Variants in ADARB2 observed in about 807,000 individuals in gnomAD.
The protein encoded by ADARB2 is adenosine deaminase RNA specific B2 (inactive).
ADARB2 carries 25 observed loss-of-function variants against 62.2 expected under a neutral mutation model. The observed-to-expected ratio is 0.40, with a 90% CI of 0.29 to 0.56. ADARB2 has a LOEUF of 0.56. Among genes scored for constraint, ADARB2 ranks in the 20% least tolerant of loss-of-function variants. ADARB2 has a pLI of 0.43. For missense variants in ADARB2, 1,071 were observed against 1,077.4 expected (o/e 0.99, Z 0.08); for synonymous variants, 572 against 500.8 (o/e 1.14, Z -1.90).
intron 1 of ADARB2, among the ~76,000 whole-genome samples, chr10:1,553,190 A>G (rs1832653130): frequency 6.6e-6 from 1 of 152,258 alleles, no homozygotes. Context: ...TAATTACCAA[A>G]AAAATGTCAC....
At chr10:1,288,385 G>A (rs1401535753) in intron 3 of ADARB2, among the ~76,000 whole-genome samples, 1 of 152,228 alleles carries the variant, frequency 6.6e-6, no homozygotes, top group African/African-American at 2.4e-5. Flanking sequence ...TGCATAGCAG[G>A]TGCTCTTCCA....
At position 1,598,841 on chromosome 10, in the gene ADARB2, G is replaced by C. The variant is rs146674841; in HGVS notation, c.100+138210C>G. ...CAGAAGCGAAGGGATCTCCCAGGCAGGGATCTCACAGCCTGCGGCACCCAG... is the reference window on the plus strand; with the variant it reads ...CAGAAGCGAAGGGATCTCCCAGGCACGGATCTCACAGCCTGCGGCACCCAG... On this transcript the variant is annotated intron_variant, in intron 1 of 9. Transcript: ENST00000381312. Among the ~76,000 whole-genome samples the C allele has an allele frequency of 4.7e-4, 71 of 152,354 alleles. 1 individual carries two copies. The East Asian group carries it at 0.013, about 28-fold the overall frequency.
At chr10:1,658,110 A>G (rs1205735750) in intron 1 of ADARB2, among the ~76,000 whole-genome samples, 1 of 136,980 alleles carries the variant, frequency 7.3e-6, no homozygotes, top group African/African-American at 2.8e-5. Flanking sequence ...CTCTGTCTCT[A>G]TCTGATTCTG....
At chr10:1,590,741 C>T (rs991794151) in intron 1 of ADARB2, among the ~76,000 whole-genome samples, 22 of 152,156 alleles carry the variant, frequency 1.4e-4, no homozygotes, top group Admixed American at 9.2e-4. Flanking sequence ...TTGCCAGAGC[C>T]GGAGAGTCGT....
At chr10:1,371,527 G>T (rs1832371848) in intron 2 of ADARB2, among the ~76,000 whole-genome samples, 1 of 151,652 alleles carries the variant, frequency 6.6e-6, no homozygotes, top group Non-Finnish European at 1.5e-5. Flanking sequence ...TACAAAATGG[G>T]ATGAAATATT....
Position 1,467,042 on chromosome 10 carries a change from G to A in ADARB2, c.101-87882C>T, listed in dbSNP as rs559128011. Among the ~76,000 whole-genome samples the A allele has an allele frequency of 4.7e-5, 7 of 149,618 alleles. No individual in the cohort carries two copies. In the East Asian group the frequency reaches 1.2e-3, roughly 25 times the overall value. The stretch of plus-strand genomic sequence containing the variant: ...TATTCTGGTTTCCGGTCTATTTACA[G>A]CATCTCTCTCTCTCTCTCTCGCTTT... On this transcript the variant is annotated intron_variant, in intron 1 of 9. Coordinates refer to ENST00000381312, the MANE Select transcript of ADARB2 (RefSeq NM_018702.4).
chr10:1,522,518 C>T (rs1195898058), intron 1 of ADARB2, among the ~76,000 whole-genome samples: 2 of 152,158 alleles, frequency 1.3e-5, no homozygotes, highest in African/African-American at 4.8e-5. Context: ...AAGGTCCAGG[C>T]CCAGATGCCA....
intron 1 of ADARB2, among the ~76,000 whole-genome samples, chr10:1,425,628 G>T (rs1281965051): frequency 1.3e-5 from 2 of 152,194 alleles, no homozygotes; most frequent in Non-Finnish European, 2.9e-5. Context: ...GAAGATGGTT[G>T]GATCTAAGCA....
chr10:1,560,880 G>A (rs1305516489), intron 1 of ADARB2, among the ~76,000 whole-genome samples: 1 of 152,282 alleles, frequency 6.6e-6, no homozygotes, highest in Non-Finnish European at 1.5e-5. Flanking sequence ...GAGAGAAAAT[G>A]TCCTCTCTTC....
At chr10:1,453,125 G>A (rs141379284) in intron 1 of ADARB2, among the ~76,000 whole-genome samples, 7 of 152,230 alleles carry the variant, frequency 4.6e-5, no homozygotes, top group East Asian at 3.9e-4. Context: ...CCTCCCCCAC[G>A]TCTGCAAAAC....
intron 1 of ADARB2, among the ~76,000 whole-genome samples, chr10:1,443,220 G>C (rs1316875718): frequency 6.6e-6 from 1 of 152,096 alleles, no homozygotes; most frequent in Non-Finnish European, 1.5e-5. Flanking sequence ...TCTGTCCTGT[G>C]CTTGGGACTC....
At chr10:1,708,880 C>A (rs1356268416) in intron 1 of ADARB2, among the ~76,000 whole-genome samples, 1 of 152,166 alleles carries the variant, frequency 6.6e-6, no homozygotes, top group Non-Finnish European at 1.5e-5. Context: ...ACATGCAACC[C>A]TTGCTGTATG....
In ADARB2 at chr10:1,576,770, C is replaced by T. The variant is rs368889460; in HGVS notation, c.100+160281G>A. Among the ~76,000 whole-genome samples, 86 of 152,262 alleles carry T rather than the reference C, an allele frequency of 5.6e-4. 1 individual carries two copies. The highest frequency in any genetic ancestry group is 3.4e-3 in the Middle Eastern group (1 of 294). ...ATCCCCAGGGTCTCTCAAGGAAAGG[C>T]CCTTGGGGACAATGGCTGCAAAACA... is the stretch of plus-strand genomic sequence containing the variant. On this transcript the variant is annotated intron_variant, in intron 1 of 9. Coordinates refer to ENST00000381312, the MANE Select transcript of ADARB2 (RefSeq NM_018702.4).
chr10:1,212,648 A>AC (rs1837169481), intron 7 of ADARB2, among the ~76,000 whole-genome samples: 1 of 151,232 alleles, frequency 6.6e-6, no homozygotes, highest in Admixed American at 6.6e-5. Context: ...CCCTGAGTCC[A>AC]CCCCACCATG....
chr10:1,234,214 C>G (rs988464208), intron 5 of ADARB2, among the ~76,000 whole-genome samples: 12 of 151,890 alleles, frequency 7.9e-5, no homozygotes, highest in Admixed American at 5.2e-4. Flanking sequence ...GTCTTGAACT[C>G]CCAGCCTCAG....
intron 3 of ADARB2, chr10:1,291,551 AT>A (rs1831465862): frequency 6.6e-6 from 1 of 152,194 alleles, no homozygotes; most frequent in African/African-American, 2.4e-5. Flanking sequence ...ATCCTGCAAT[AT>A]TTTTGTTTAT....
chr10:1,712,627 A>G (rs9419500), intron 1 of ADARB2, among the ~76,000 whole-genome samples: 134,396 of 134,408 alleles, frequency 1, 67,192 homozygotes, highest in Middle Eastern at 1. Context: ...TTTTTTTTGA[A>G]ACGGAGTCTC....
At chr10:1,185,127 GT>G in intron 8 of ADARB2, 88 bp from the exon 9 acceptor site, 1 of 1,448,152 alleles carries the variant, frequency 6.9e-7, no homozygotes, top group South Asian at 1.3e-5. Flanking sequence ...AATGGAGCCT[GT>G]ATGTGAGTGG....
At chr10:1,718,371 A>G (rs921423959) in intron 1 of ADARB2, among the ~76,000 whole-genome samples, 10 of 152,086 alleles carry the variant, frequency 6.6e-5, no homozygotes, top group African/African-American at 2.4e-4. Flanking sequence ...GCTGGTAGGG[A>G]GGCTGCTTCC....
Sources: allele counts gnomAD v4.1 joint callset (sites outside exome capture counted in the v4.1 genomes callset), GRCh38; gene constraint gnomAD v4.1.1; transcripts MANE v1.5; gene names NCBI Gene and HGNC (gene_info 2026-07-23, HGNC 2026-07-21).